The following ANKRD36 variants were observed in gnomAD, a reference collection of about 807,000 sequenced individuals.
ANKRD36 encodes the protein ankyrin repeat domain 36.
In ANKRD36, 179 loss-of-function variants were observed where a neutral mutation model predicts 278.1. The observed-to-expected ratio is 0.64, with a 90% CI of 0.57 to 0.73. ANKRD36 has a LOEUF of 0.73. ANKRD36 is among the 30% of genes least tolerant of loss of function. The probability of loss-of-function intolerance (pLI) is 0.00; values close to 1 mark genes in which losing one functional copy is unlikely to be tolerated. For missense variants in ANKRD36, 1,159 were observed against 1,956.7 expected (o/e 0.59, Z 7.69); for synonymous variants, 320 against 641.1 (o/e 0.50, Z 7.57).
chr2:97,196,651 G>T, intron 41 of ANKRD36, 30 bp downstream of exon 41: 1 of 1,602,580 alleles, frequency 6.2e-7, no homozygotes, highest in Non-Finnish European at 8.5e-7. Context: ...TCATGTGAAC[G>T]AGTTAATGTA....
At chr2:97,181,864 T>G (rs2056322394) in intron 26 of ANKRD36, 71 bp downstream of exon 26, 3 of 1,016,200 alleles carry the variant, frequency 3.0e-6, no homozygotes. Context: ...CCCGAATAAA[T>G]CAGCAGGGGA....
intron 22 of ANKRD36, among the ~76,000 whole-genome samples, chr2:97,174,967 G>A (rs372754140): frequency 0.04 from 5,645 of 142,646 alleles, 219 homozygotes; most frequent in African/African-American, 0.091. Flanking sequence ...TGCATCCCAG[G>A]GATGAAGCCC....
Position 97,179,902 on chromosome 2 carries a change from A to G in ANKRD36, c.1704A>G (p.Thr568=). Reference sequence around the variant, plus strand: ...AAGATTCTGTTTCAAATATAGCCACAGAAATAAAGGAGGGACCAATATCTG... The same window carrying G: ...AAGATTCTGTTTCAAATATAGCCACGGAAATAAAGGAGGGACCAATATCTG... The part of the protein sequence containing the change: ...DDKDSVSNIA[T]EIKEGPISGT... The change falls in exon 24 of 76, where the codon ACA becomes ACG. Residue 568 remains threonine, a synonymous_variant. Transcript: ENST00000420699. 6.2e-7 allele frequency: 1 copy of G among 1,606,084 alleles called. No individual in the cohort carries two copies. Among genetic ancestry groups the G allele is most frequent in the East Asian group, 2.2e-5 (1 of 44,804 alleles).
chr2:97,153,822 G>A (rs1303924569), intron 14 of ANKRD36, among the ~76,000 whole-genome samples: 13 of 147,556 alleles, frequency 8.8e-5, no homozygotes, highest in African/African-American at 3.1e-4. Flanking sequence ...GAGGGATCCA[G>A]AAGGGGGAGC....
rs531350691 is a variant in ANKRD36, at chr2:97,201,986, C to T, written c.2858-216C>T. ...GTTTTCGACATATGAGAAATCATAC[C>T]ATGTTTGAAATTGTAAGGGTATATT... On this transcript the variant is annotated intron_variant, in intron 46 of 75. Coordinates refer to ENST00000420699, the MANE Select transcript of ANKRD36 (RefSeq NM_001354587.1). Among the ~76,000 whole-genome samples, 5 of 151,952 alleles carry T rather than the reference C, an allele frequency of 3.3e-5. No individual in the cohort carries two copies. In the South Asian group the frequency reaches 6.3e-4, roughly 19 times the overall value.
intron 40 of ANKRD36, among the ~76,000 whole-genome samples, chr2:97,195,535 G>A (rs556286086): frequency 6.6e-6 from 1 of 151,894 alleles, no homozygotes; most frequent in Non-Finnish European, 1.5e-5. Context: ...GGAAACAGTG[G>A]TTGAATTGGC....
intron 38 of ANKRD36, among the ~76,000 whole-genome samples, chr2:97,193,260 T>C (rs1170558715): frequency 7.1e-6 from 1 of 141,552 alleles, no homozygotes; most frequent in Non-Finnish European, 1.6e-5. Flanking sequence ...CTTCCCCACA[T>C]TGAAATTGGG....
intron 67 of ANKRD36, among the ~76,000 whole-genome samples, chr2:97,227,113 T>C (rs1326719367): frequency 6.6e-5 from 10 of 152,120 alleles, no homozygotes; most frequent in African/African-American, 2.2e-4. Context: ...ATGCGGGCTC[T>C]TTTTTGGTTC....
intron 35 of ANKRD36, 23 bp from the exon 36 acceptor site, chr2:97,191,086 A>G: frequency 6.3e-7 from 1 of 1,591,594 alleles, no homozygotes; most frequent in Non-Finnish European, 8.6e-7. Context: ...TTTATTTATT[A>G]CTTTCTTTCA....
intron 22 of ANKRD36, among the ~76,000 whole-genome samples, chr2:97,178,322 T>G (rs2054966714): frequency 6.6e-6 from 1 of 151,996 alleles, no homozygotes; most frequent in East Asian, 1.9e-4. Flanking sequence ...GCCATCCCAT[T>G]AATGGGTATA....
At chr2:97,220,761 C>CTTTTTTTTTTTTTTTTTTTT (rs60699692) in intron 66 of ANKRD36, among the ~76,000 whole-genome samples, 2 of 70,606 alleles carry the variant, frequency 2.8e-5, no homozygotes, top group African/African-American at 7.1e-5. Flanking sequence ...TTTTAATTTT[C>CTTTTTTTTTTTTTTTTTTTT]TTTTTTTTTT....
intron 26 of ANKRD36, among the ~76,000 whole-genome samples, chr2:97,182,562 G>A (rs62154771): frequency 6.7e-6 from 1 of 149,192 alleles, no homozygotes; most frequent in Non-Finnish European, 1.5e-5. Flanking sequence ...ACAATTTAAT[G>A]AAAATGCTTT....
At position 97,193,011 on chromosome 2, in the gene ANKRD36, A is replaced by C; in HGVS notation, c.2407A>C (p.Ser803Arg). The change falls in exon 38 of 76, where the codon AGT (serine) becomes CGT (arginine). Residue 803 changes from serine (S) to arginine (R), a missense_variant. Ser to Arg is a moderately radical substitution (Grantham distance 110). Coordinates refer to ENST00000420699, the MANE Select transcript of ANKRD36 (RefSeq NM_001354587.1). ...ATSDEEGSVLSIARENKDGEK... is the reference protein window; with the variant it reads ...ATSDEEGSVLRIARENKDGEK... ...AAGTGACGAGGAAGGTTCTGTTTTGAGTATAGCCAGAGAAAACAAGGATGG... is the reference window on the plus strand; with the variant it reads ...AAGTGACGAGGAAGGTTCTGTTTTGCGTATAGCCAGAGAAAACAAGGATGG... 6.3e-7 allele frequency: 1 copy of C among 1,576,038 alleles called. No individual in the cohort carries two copies. Among genetic ancestry groups the C allele is most frequent in the African/African-American group, 1.4e-5 (1 of 73,772 alleles).
chr2:97,213,780 C>T (rs2065267057), intron 60 of ANKRD36, among the ~76,000 whole-genome samples, 166 bp downstream of exon 60: 1 of 151,598 alleles, frequency 6.6e-6, no homozygotes, highest in South Asian at 2.1e-4. Context: ...TGCTGCTGGT[C>T]TTGGACATGA....
At chr2:97,207,533 G>A (rs1209900193) in intron 52 of ANKRD36, among the ~76,000 whole-genome samples, 5 of 151,396 alleles carry the variant, frequency 3.3e-5, no homozygotes, top group African/African-American at 4.8e-5. Context: ...CTCATCACTC[G>A]GCATATCCAC....
intron 67 of ANKRD36, among the ~76,000 whole-genome samples, chr2:97,226,913 G>T (rs1450730847): frequency 9.8e-4 from 149 of 151,984 alleles, no homozygotes; most frequent in Non-Finnish European, 1.6e-3. Context: ...TTTTCTCAGG[G>T]TTGTCAAAGA....
chr2:97,168,011 A>G (rs2924012), intron 22 of ANKRD36, among the ~76,000 whole-genome samples: 2 of 152,284 alleles, frequency 1.3e-5, no homozygotes, highest in Non-Finnish European at 2.9e-5. Flanking sequence ...AAAGATCCCA[A>G]TGTGGAATTT....
intron 67 of ANKRD36, among the ~76,000 whole-genome samples, chr2:97,233,378 C>G (rs2072844468): frequency 6.7e-6 from 1 of 149,572 alleles, no homozygotes; most frequent in African/African-American, 2.5e-5. Flanking sequence ...ATGAAAATCT[C>G]TTGTGTAAAA....
At chr2:97,190,655 A>G (rs1558621128) in intron 34 of ANKRD36, among the ~76,000 whole-genome samples, 2 of 151,546 alleles carry the variant, frequency 1.3e-5, no homozygotes, top group Admixed American at 6.6e-5. Context: ...TCTCACGTGT[A>G]TGAGTTGCTC....
Sources: allele counts gnomAD v4.1 joint callset (sites outside exome capture counted in the v4.1 genomes callset), GRCh38; gene constraint gnomAD v4.1.1; transcripts MANE v1.5; gene names NCBI Gene and HGNC (gene_info 2026-07-23, HGNC 2026-07-21).